The following ATG4C variants were observed in gnomAD, a reference collection of about 807,000 sequenced individuals.
The protein encoded by ATG4C is autophagy related 4C cysteine peptidase.
ATG4C carries 56 observed loss-of-function variants against 57.6 expected under a neutral mutation model. The ratio of observed to expected loss-of-function variants is 0.97; its 90% CI spans 0.78 to 1.21. The LOEUF (loss-of-function observed/expected upper bound fraction) is 1.21, where lower values mean the gene tolerates loss of function less well. ATG4C is among the 50% of genes most tolerant of loss of function. The pLI is 0.00. For synonymous variants in ATG4C, 157 were observed against 174.1 expected (o/e 0.90, Z 0.78); for missense variants, 595 against 529.8 (o/e 1.12, Z -1.21).
chr1:62,796,816 C>A (rs1235077827), intron 1 of ATG4C, among the ~76,000 whole-genome samples: 1 of 151,840 alleles, frequency 6.6e-6, no homozygotes, highest in Non-Finnish European at 1.5e-5. Flanking sequence ...TCTTAGATGC[C>A]AACATTATGG....
intron 10 of ATG4C, among the ~76,000 whole-genome samples, chr1:62,859,882 A>G (rs1292308686): frequency 1.3e-5 from 2 of 152,034 alleles, no homozygotes; most frequent in East Asian, 3.9e-4. Flanking sequence ...TTTAGTAGAG[A>G]TGGGGTTTCA....
intron 4 of ATG4C, 104 bp from the exon 5 acceptor site, chr1:62,818,901 G>T: frequency 2.2e-6 from 2 of 913,278 alleles, no homozygotes; most frequent in African/African-American, 1.7e-5. Context: ...TGAATTTACT[G>T]TCTTAGTAAC....
Position 62,857,190 on chromosome 1 carries a change from C to T in ATG4C, c.1210-6802C>T, listed in dbSNP as rs550800118. Among the ~76,000 whole-genome samples the T allele has an allele frequency of 3.9e-5, 6 of 152,202 alleles. No homozygotes were observed. In the South Asian group the frequency reaches 8.3e-4, roughly 21 times the overall value. ...AACCAGGCTGCAAGCAGAAGGTGAG[C>T]GGCGGGTTAGCGAGCGAAGCTTCCT... On this transcript the variant is annotated intron_variant, in intron 10 of 10. Coordinates refer to ENST00000317868, the MANE Select transcript of ATG4C (RefSeq NM_032852.4).
intron 7 of ATG4C, among the ~76,000 whole-genome samples, chr1:62,832,048 AATTGT>A (rs1478007835): frequency 6.6e-6 from 1 of 152,160 alleles, no homozygotes; most frequent in African/African-American, 2.4e-5. Flanking sequence ...GGCACTCTCT[AATTGT>A]ATTAAGGATT....
chr1:62,800,904 G>A (rs1294091506), intron 1 of ATG4C, among the ~76,000 whole-genome samples: 1 of 152,160 alleles, frequency 6.6e-6, no homozygotes, highest in Non-Finnish European at 1.5e-5. Flanking sequence ...AGAGAGGGCA[G>A]TCAGGAAATC....
chr1:62,851,708 C>T (rs769390570), intron 10 of ATG4C, among the ~76,000 whole-genome samples: 13 of 150,590 alleles, frequency 8.6e-5, no homozygotes, highest in African/African-American at 2.9e-4. Context: ...CAGAGATGAC[C>T]GAACATTTAA....
intron 1 of ATG4C, among the ~76,000 whole-genome samples, chr1:62,798,593 A>T (rs564864379): frequency 3.6e-4 from 55 of 152,252 alleles, no homozygotes; most frequent in African/African-American, 7.2e-4. Context: ...CATCTTTCAA[A>T]ATAATCTCTG....
chr1:62,788,440 C>A (rs1664159063), intron 1 of ATG4C, among the ~76,000 whole-genome samples: 1 of 151,770 alleles, frequency 6.6e-6, no homozygotes, highest in South Asian at 2.1e-4. Context: ...TACACACACA[C>A]ACACACACAC....
chr1:62,814,617 C>G (rs985446708), intron 3 of ATG4C, among the ~76,000 whole-genome samples: 2 of 152,094 alleles, frequency 1.3e-5, no homozygotes, highest in African/African-American at 4.8e-5. Flanking sequence ...ATAGCCACTT[C>G]AGCTTTCTTT....
Position 62,784,172 on chromosome 1 carries a change from G to GT in ATG4C, c.-169dup, listed in dbSNP as rs1664003141. The GT allele has an allele frequency of 6.5e-6, 1 of 153,262 alleles. No individual in the cohort carries two copies. The highest frequency in any genetic ancestry group is 1.5e-5 in the Non-Finnish European group (1 of 68,488). 9.5% of individuals were successfully genotyped at this position (153,262 alleles called of 1,614,324 possible). On this transcript the variant is annotated 5_prime_UTR_variant, in exon 1 of 11. Coordinates refer to ENST00000317868, the MANE Select transcript of ATG4C (RefSeq NM_032852.4). ...GCGGCGCTGAGGTCGGAACGTCTGC[G>GT]TGTGTGCGGGCTGGTTTTGTGGCGG...
chr1:62,860,577 G>A (rs1379316583), intron 10 of ATG4C, among the ~76,000 whole-genome samples: 2 of 152,132 alleles, frequency 1.3e-5, no homozygotes, highest in Non-Finnish European at 2.9e-5. Flanking sequence ...TTATTCTGTG[G>A]CACATGACTG....
Position 62,834,084 on chromosome 1 carries a change from C to G in ATG4C, c.980C>G (p.Pro327Arg). The G allele has an allele frequency of 3.7e-6, 6 of 1,612,610 alleles. No individual in the cohort carries two copies. Among genetic ancestry groups the G allele is most frequent in the African/African-American group, 1.3e-5 (1 of 74,924 alleles). The part of the protein sequence containing the change: ...EYCVGIIGGK[P>R]KQSYYFAGFQ... ...TGTGTGGGTATTATTGGTGGCAAACCTAAACAGTCATATTACTTTGCTGGA... is the reference window on the plus strand; with the variant it reads ...TGTGTGGGTATTATTGGTGGCAAACGTAAACAGTCATATTACTTTGCTGGA... The change falls in exon 8 of 11, where the codon CCT (proline) becomes CGT (arginine). Residue 327 changes from proline to arginine, a missense_variant. Pro to Arg is a moderately radical substitution (Grantham distance 103). Coordinates refer to ENST00000317868, the MANE Select transcript of ATG4C (RefSeq NM_032852.4).
At chr1:62,793,417 G>A (rs1664351043) in intron 1 of ATG4C, among the ~76,000 whole-genome samples, 1 of 150,476 alleles carries the variant, frequency 6.6e-6, no homozygotes, top group Non-Finnish European at 1.5e-5. Flanking sequence ...TTTGAGATCA[G>A]CCTGGGCCAT....
intron 3 of ATG4C, among the ~76,000 whole-genome samples, chr1:62,809,295 T>C (rs1664987434): frequency 6.6e-6 from 1 of 151,200 alleles, no homozygotes; most frequent in Non-Finnish European, 1.5e-5. Flanking sequence ...ATTAATCAGT[T>C]TGACCAGATA....
At chr1:62,801,090 A>G (rs1306045625) in intron 1 of ATG4C, among the ~76,000 whole-genome samples, 1 of 152,324 alleles carries the variant, frequency 6.6e-6, no homozygotes, top group Admixed American at 6.5e-5. Context: ...TTAATATTAA[A>G]TGTGGTTTCA....
rs1333735 is a variant in ATG4C, at chr1:62,861,628, G to C, written c.1210-2364G>C. ...ACACACACACACACACACACACACA[G>C]AGAGACACAAACACATGAGAAAAAT... is the stretch of plus-strand genomic sequence containing the variant. On this transcript the variant is annotated intron_variant, in intron 10 of 10. Coordinates refer to ENST00000317868, the MANE Select transcript of ATG4C (RefSeq NM_032852.4). Among the ~76,000 whole-genome samples, 236 of 26,328 alleles carry C rather than the reference G, an allele frequency of 9.0e-3. 3 individuals carry two copies. In the Middle Eastern group the frequency reaches 0.11, roughly 12 times the overall value. 17.3% of individuals were successfully genotyped at this position (26,328 alleles called of 152,430 possible).
At chr1:62,850,077 G>A (rs6587994) in intron 10 of ATG4C, among the ~76,000 whole-genome samples, 68,752 of 151,862 alleles carry the variant, frequency 0.45, 15,669 homozygotes, top group East Asian at 0.66. Context: ...AGAAATTATG[G>A]TACTGAAGTA....
At chr1:62,846,750 T>C (rs1475085315) in intron 10 of ATG4C, among the ~76,000 whole-genome samples, 1 of 152,174 alleles carries the variant, frequency 6.6e-6, no homozygotes, top group Non-Finnish European at 1.5e-5. Context: ...TTTCACCACC[T>C]TCCCTACTGC....
At chr1:62,846,203 A>G (rs1016656153) in intron 10 of ATG4C, among the ~76,000 whole-genome samples, 1 of 152,170 alleles carries the variant, frequency 6.6e-6, no homozygotes, top group Admixed American at 6.5e-5. Context: ...AGTTCATTCT[A>G]CTTGTCATAA....
Sources: gnomAD v4.1 joint callset for allele counts (sites outside exome capture counted in the v4.1 genomes callset) on GRCh38, gnomAD v4.1.1 for gene constraint, MANE v1.5 for transcripts, NCBI Gene and HGNC (gene_info 2026-07-23, HGNC 2026-07-21) for gene names.